Variants in PIK3CB observed in about 807,000 individuals in gnomAD.
PIK3CB encodes phosphatidylinositol 4,5-bisphosphate 3-kinase catalytic subunit beta isoform.
Under a neutral mutation model 136.8 loss-of-function variants are expected in PIK3CB, and 39 were observed. The observed-to-expected ratio is 0.29, with a 90% CI of 0.22 to 0.37. PIK3CB has a LOEUF of 0.37. Among genes scored for constraint, PIK3CB ranks in the 10% least tolerant of loss-of-function variants. The pLI is 1.00. For synonymous variants in PIK3CB, 428 were observed against 436.6 expected (o/e 0.98, Z 0.25); for missense variants, 868 against 1,275.4 (o/e 0.68, Z 4.87).
At chr3:138,708,950 T>C (rs541533957) in intron 10 of PIK3CB, among the ~76,000 whole-genome samples, 11 of 152,044 alleles carry the variant, frequency 7.2e-5, no homozygotes, top group African/African-American at 2.4e-4. Flanking sequence ...AAGGCACTCT[T>C]TTTCTGTGTG....
intron 12 of PIK3CB, 71 bp downstream of exon 12, chr3:138,704,372 T>C (rs374559660): frequency 5.8e-6 from 6 of 1,035,864 alleles, no homozygotes; most frequent in Non-Finnish European, 9.1e-6. Flanking sequence ...AGTTCATTAC[T>C]ATGAGGCAAA....
intron 1 of PIK3CB, chr3:138,825,303 G>A (rs1933734162): frequency 2.1e-6 from 1 of 487,494 alleles, no homozygotes; most frequent in South Asian, 3.1e-5. Context: ...TGCTGCTGGT[G>A]TCGGAGAATT....
intron 2 of PIK3CB, among the ~76,000 whole-genome samples, chr3:138,775,262 G>A (rs969809729): frequency 1.1e-4 from 17 of 152,172 alleles, no homozygotes; most frequent in African/African-American, 3.9e-4. Flanking sequence ...GAAGAAAACT[G>A]CAGAGGGACA....
chr3:138,783,290 A>G (rs116275250), intron 2 of PIK3CB, among the ~76,000 whole-genome samples: 6,704 of 150,280 alleles, frequency 0.045, 485 homozygotes, highest in African/African-American at 0.15. Flanking sequence ...TTTTTTTTTT[A>G]ATTTTTTTTG....
At chr3:138,751,418 A>C (rs2045469797) in intron 4 of PIK3CB, among the ~76,000 whole-genome samples, 1 of 151,922 alleles carries the variant, frequency 6.6e-6, no homozygotes, top group Admixed American at 6.6e-5. Context: ...AGATGGCGCC[A>C]CTGCACTCCA....
intron 1 of PIK3CB, among the ~76,000 whole-genome samples, chr3:138,832,905 G>C (rs1934105067): frequency 6.7e-6 from 1 of 148,284 alleles, no homozygotes; most frequent in Admixed American, 6.8e-5. Context: ...TCAGCCACTA[G>C]GGAGCCTGAG....
At chr3:138,729,292 A>G (rs984365921) in intron 8 of PIK3CB, among the ~76,000 whole-genome samples, 2 of 152,116 alleles carry the variant, frequency 1.3e-5, no homozygotes, top group Non-Finnish European at 2.9e-5. Flanking sequence ...AAAAAAAAAA[A>G]AAGAAGGTCT....
intron 1 of PIK3CB, among the ~76,000 whole-genome samples, chr3:138,805,716 T>C (rs1045950909): frequency 7.9e-5 from 12 of 151,614 alleles, no homozygotes; most frequent in African/African-American, 2.9e-4. Flanking sequence ...ACATCTTCTC[T>C]TTTGTTGTTG....
intron 19 of PIK3CB, 112 bp from the exon 20 acceptor site, chr3:138,665,315 G>A (rs2043385406): frequency 1.4e-6 from 1 of 689,824 alleles, no homozygotes; most frequent in Non-Finnish European, 2.2e-6. Context: ...TGATATACTT[G>A]CCATTACTAT....
chr3:138,701,784 CAAAAAAAA>C (rs560982900), intron 12 of PIK3CB, among the ~76,000 whole-genome samples: 9 of 54,926 alleles, frequency 1.6e-4, no homozygotes, highest in Non-Finnish European at 3.2e-4. Context: ...GACTCTGTCT[CAAAAAAAA>C]AAAAAAAAAG....
intron 9 of PIK3CB, 21 bp from the exon 10 acceptor site, chr3:138,712,325 G>A (rs367616061): frequency 9.1e-7 from 1 of 1,102,880 alleles, no homozygotes; most frequent in Non-Finnish European, 1.3e-6. Flanking sequence ...AGATACCATT[G>A]CATAAATATG....
chr3:138,784,763 T>C (rs150799451), intron 2 of PIK3CB, among the ~76,000 whole-genome samples: 90 of 152,332 alleles, frequency 5.9e-4, no homozygotes, highest in African/African-American at 1.9e-3. Flanking sequence ...TGCAGTGGCG[T>C]GATCTCAGCT....
Position 138,806,024 on chromosome 3 carries a change from G to A in PIK3CB, c.-121-9457C>T, listed in dbSNP as rs537482948. ...ATTACAGGCATGAGCCACCGCGCCCGGCCCCATCTTCCCATTTTTAAAGGA... is the reference window on the plus strand; with the variant it reads ...ATTACAGGCATGAGCCACCGCGCCCAGCCCCATCTTCCCATTTTTAAAGGA... On this transcript the variant is annotated intron_variant, in intron 1 of 23. Transcript: ENST00000674063. Among the ~76,000 whole-genome samples the A allele has an allele frequency of 2.6e-4, 40 of 151,118 alleles. No homozygotes were observed. The South Asian group carries it at 8.0e-3, about 30-fold the overall frequency.
intron 8 of PIK3CB, among the ~76,000 whole-genome samples, chr3:138,732,256 T>C (rs2044994198): frequency 6.6e-6 from 1 of 152,162 alleles, no homozygotes; most frequent in Non-Finnish European, 1.5e-5. Flanking sequence ...GTCTTCATGT[T>C]GTATATTAGA....
chr3:138,789,921 C>T (rs2046029384), intron 2 of PIK3CB, among the ~76,000 whole-genome samples: 1 of 152,104 alleles, frequency 6.6e-6, no homozygotes. Flanking sequence ...GAACTCCTGA[C>T]CTCGTGATCT....
chr3:138,662,163 C>G (rs373999963), intron 21 of PIK3CB, among the ~76,000 whole-genome samples: 2 of 148,162 alleles, frequency 1.3e-5, no homozygotes, highest in South Asian at 2.2e-4. Context: ...CACAATGTGC[C>G]GGTTAGTTAC....
intron 5 of PIK3CB, 37 bp downstream of exon 5, chr3:138,742,521 T>G: frequency 9.4e-7 from 1 of 1,062,976 alleles, no homozygotes; most frequent in South Asian, 1.5e-5. Flanking sequence ...AATGAGAAAT[T>G]TATTACAAAA....
chr3:138,702,451 T>C (rs560016108), intron 12 of PIK3CB, among the ~76,000 whole-genome samples: 9 of 152,302 alleles, frequency 5.9e-5, no homozygotes, highest in African/African-American at 2.2e-4. Flanking sequence ...TGGGCAAGAT[T>C]ACTGCATGCT....
chr3:138,686,291 T>C (rs2043891680), intron 16 of PIK3CB, among the ~76,000 whole-genome samples: 1 of 151,502 alleles, frequency 6.6e-6, no homozygotes, highest in South Asian at 2.1e-4. Context: ...ATACAAAAAT[T>C]AGCCAAGCGT....
Sources: allele counts gnomAD v4.1 joint callset (sites outside exome capture counted in the v4.1 genomes callset), GRCh38; gene constraint gnomAD v4.1.1; transcripts MANE v1.5; gene names NCBI Gene and HGNC (gene_info 2026-07-23, HGNC 2026-07-21).